Variants in SEMA4B observed in about 807,000 individuals in gnomAD.
SEMA4B encodes semaphorin 4B.
A neutral mutation model predicts 88.1 loss-of-function variants in SEMA4B; 55 were observed. That is an observed-to-expected ratio of 0.62 (90% confidence interval 0.50 to 0.78). SEMA4B has a LOEUF of 0.78. SEMA4B is among the 30% of genes least tolerant of loss of function. SEMA4B has a pLI of 0.00. For synonymous variants in SEMA4B, 525 were observed against 473.6 expected (o/e 1.11, Z -1.41); for missense variants, 1,062 against 1,111.9 (o/e 0.96, Z 0.64).
rs916946194 is a variant in SEMA4B at position 90,229,002 on chromosome 15, A to G, written c.*359A>G. 1.6e-5 allele frequency: 6 copies of G among 380,580 alleles called. No individual in the cohort carries two copies. The highest frequency in any genetic ancestry group is 3.0e-5 in the Non-Finnish European group (6 of 200,026). The allele number at this position is 380,580 out of a possible 1,614,324, so 23.6% of individuals were successfully genotyped here. On this transcript the variant is annotated 3_prime_UTR_variant, in exon 14 of 14. Transcript: ENST00000411539. ...GCAGCACACACGGCTGCTCCAGTTC[A>G]TGGCCTCCCAGGGGTGCTGGGGATG...
intron 1 of SEMA4B, chr15:90,206,676 G>A (rs542288514): frequency 6.8e-5 from 47 of 690,720 alleles, no homozygotes; most frequent in African/African-American, 1.4e-4. Context: ...CATGGAATTC[G>A]CAAAGCTACC....
At chr15:90,192,674 T>A (rs2151584613) in intron 1 of SEMA4B, among the ~76,000 whole-genome samples, 1 of 137,146 alleles carries the variant, frequency 7.3e-6, no homozygotes, top group East Asian at 2.5e-4. Flanking sequence ...CACTGCAGCC[T>A]CCGCCTCCTG....
At chr15:90,214,726 C>A (rs1961446699) in intron 1 of SEMA4B, among the ~76,000 whole-genome samples, 1 of 151,836 alleles carries the variant, frequency 6.6e-6, no homozygotes, top group Non-Finnish European at 1.5e-5. Context: ...GCTTCATTTC[C>A]CATTTTTCTT....
chr15:90,225,721 C>G lies in SEMA4B; in HGVS notation c.1582C>G (p.Leu528Val), dbSNP rs771783968. 6.4e-7 allele frequency: 1 copy of G among 1,571,046 alleles called. No individual in the cohort carries two copies. Among genetic ancestry groups the G allele is most frequent in the Non-Finnish European group, 8.6e-7 (1 of 1,159,118 alleles). The stretch of plus-strand genomic sequence containing the variant: ...CCAGGTGCCCATGGCCAACTGCAGC[C>G]TGTACAGGAGCTGTGGGGACTGCCT... ...VVQVPMANCS[L>V]YRSCGDCLLA... Residue 528 changes from leucine (L) to valine (V), a missense_variant, in exon 12 of 14, where the codon CTG becomes GTG. Transcript: ENST00000411539.
chr15:90,185,091 G>A (rs963813681), intron 1 of SEMA4B: 2 of 982,712 alleles, frequency 2.0e-6, no homozygotes, highest in Non-Finnish European at 2.4e-6. Flanking sequence ...GGTAGGCGCG[G>A]GGGGTGCCTG....
Position 90,227,953 on chromosome 15 carries a change from T to C in SEMA4B, c.1824T>C (p.Thr608=), listed in dbSNP as rs201558041. The change falls in exon 14 of 14, where the codon ACT becomes ACC. Residue 608 remains threonine, a synonymous_variant. Transcript: ENST00000411539. ...AGTTCCAGCCCAACACAGTGAACAC[T>C]TTGGCCTGCCCGCTCCTCTCCAACC... is the stretch of plus-strand genomic sequence containing the variant. ...QVQFQPNTVN[T]LACPLLSNLA... is the part of the protein sequence containing the mutation. 6 of 1,613,558 alleles carry C rather than the reference T, an allele frequency of 3.7e-6. No individual in the cohort carries two copies. The highest frequency in any genetic ancestry group is 5.1e-6 in the Non-Finnish European group (6 of 1,179,870).
At chr15:90,205,331 T>G (rs1306378095) in intron 1 of SEMA4B, among the ~76,000 whole-genome samples, 1 of 152,236 alleles carries the variant, frequency 6.6e-6, no homozygotes, top group African/African-American at 2.4e-5. Context: ...GCCCGGTTAC[T>G]GGCTTCCCTC....
Position 90,228,430 on chromosome 15 carries a change from T to A in SEMA4B, c.2301T>A (p.Pro767=), listed in dbSNP as rs772789697. ...AGACCTGCCCTGTGGTGCTGCCCCC[T>A]GAGACCCGCCCACTCAACGGCCTAG... ...HPKTCPVVLP[P]ETRPLNGLGP... Residue 767 remains proline (P), a synonymous_variant, in exon 14 of 14, where the codon CCT becomes CCA. Coordinates refer to ENST00000411539, the MANE Select transcript of SEMA4B (RefSeq NM_198925.4). 6.2e-7 allele frequency: 1 copy of A among 1,608,244 alleles called. No individual in the cohort carries two copies. The highest frequency in any genetic ancestry group is 8.5e-7 in the Non-Finnish European group (1 of 1,177,198).
chr15:90,213,495 G>T (rs972599323), intron 1 of SEMA4B, among the ~76,000 whole-genome samples: 3 of 152,226 alleles, frequency 2.0e-5, no homozygotes, highest in African/African-American at 7.2e-5. Flanking sequence ...GGCTCGTTTG[G>T]AGGCCTGGGC....
At chr15:90,188,824 C>T (rs61379185) in intron 1 of SEMA4B, among the ~76,000 whole-genome samples, 58,946 of 151,200 alleles carry the variant, frequency 0.39, 12,536 homozygotes, top group East Asian at 0.68. Flanking sequence ...CCCACCACCA[C>T]GCCCGGCTAA....
At chr15:90,214,885 T>C (rs1961456058) in intron 1 of SEMA4B, 2 of 857,874 alleles carry the variant, frequency 2.3e-6, no homozygotes, top group South Asian at 3.2e-5. Flanking sequence ...TTTTAATGTT[T>C]ATATTTCACT....
At chr15:90,190,032 T>C (rs1236811170) in intron 1 of SEMA4B, among the ~76,000 whole-genome samples, 3 of 152,210 alleles carry the variant, frequency 2.0e-5, no homozygotes, top group Non-Finnish European at 4.4e-5. Flanking sequence ...GTGCGTCCTC[T>C]TAGAGCCCAC....
At chr15:90,191,036 A>G (rs749328918) in intron 1 of SEMA4B, among the ~76,000 whole-genome samples, 1 of 152,232 alleles carries the variant, frequency 6.6e-6, no homozygotes, top group Non-Finnish European at 1.5e-5. Context: ...AGAGGCAGAC[A>G]GCGCCTCCTG....
Position 90,201,355 on chromosome 15 carries a change from C to G in SEMA4B, c.-224C>G, listed in dbSNP as rs7175006. On this transcript the variant is annotated 5_prime_UTR_variant, in exon 1 of 14. Coordinates refer to ENST00000411539, the MANE Select transcript of SEMA4B (RefSeq NM_198925.4). ...GCTTGCGGGTGAGCTCTGCCCAAGC[C>G]GAGGCTGCGGGGCCGGCGCCGGCGG... 5,637 of 1,243,310 alleles carry G rather than the reference C, an allele frequency of 4.5e-3. 182 individuals are homozygous for G. In the African/African-American group the frequency reaches 0.075, roughly 17 times the overall value. 77.0% of individuals were successfully genotyped at this position (1,243,310 alleles called of 1,614,324 possible).
At chr15:90,187,584 G>A (rs779417458) in intron 1 of SEMA4B, among the ~76,000 whole-genome samples, 1 of 152,174 alleles carries the variant, frequency 6.6e-6, no homozygotes, top group Non-Finnish European at 1.5e-5. Context: ...GAGGGAACTC[G>A]CAGGAGCAAC....
chr15:90,215,270 C>T (rs1961479754), intron 1 of SEMA4B, among the ~76,000 whole-genome samples: 1 of 151,136 alleles, frequency 6.6e-6, no homozygotes. Flanking sequence ...TAAGGATAAC[C>T]TGCTTATTAG....
chr15:90,185,860 A>G (rs1257906898), intron 1 of SEMA4B, among the ~76,000 whole-genome samples: 2 of 151,922 alleles, frequency 1.3e-5, no homozygotes, highest in Admixed American at 1.3e-4. Context: ...TCGCTTCCCA[A>G]GATGACAGTG....
Position 90,228,027 on chromosome 15 carries a change from C to T in SEMA4B, c.1898C>T (p.Ala633Val). The change falls in exon 14 of 14, where the codon GCC becomes GTC. Residue 633 changes from alanine to valine, a missense_variant. Ala to Val is a moderately conservative substitution (Grantham distance 64, BLOSUM62 0). Coordinates refer to ENST00000411539, the MANE Select transcript of SEMA4B (RefSeq NM_198925.4). ...AACGGGGCCCCCGTCAATGCCTCGGCCTCCTGCCACGTGCTACCCACTGGG... is the reference window on the plus strand; with the variant it reads ...AACGGGGCCCCCGTCAATGCCTCGGTCTCCTGCCACGTGCTACCCACTGGG... ...LRNGAPVNAS[A>V]SCHVLPTGDL... is the part of the protein sequence containing the mutation. The T allele has an allele frequency of 1.9e-6, 3 of 1,613,906 alleles. No homozygotes were observed. The highest frequency in any genetic ancestry group is 2.5e-6 in the Non-Finnish European group (3 of 1,179,870).
At chr15:90,196,401 A>G (rs1311000430), upstream of SEMA4B, among the ~76,000 whole-genome samples, 1 of 152,274 alleles carries the variant, frequency 6.6e-6, no homozygotes. Flanking sequence ...CCTTGTTAAC[A>G]TATAGTTTCG....
Sources: allele counts gnomAD v4.1 joint callset (sites outside exome capture counted in the v4.1 genomes callset), GRCh38; gene constraint gnomAD v4.1.1; transcripts MANE v1.5; gene names NCBI Gene and HGNC (gene_info 2026-07-23, HGNC 2026-07-21).